Variants in PTPRU observed in about 807,000 individuals in gnomAD.
PTPRU encodes receptor-type tyrosine-protein phosphatase U.
Under a neutral mutation model 166.3 loss-of-function variants are expected in PTPRU, and 69 were observed. That is an observed-to-expected ratio of 0.41 (90% CI 0.34 to 0.51). The LOEUF is 0.51. Among genes scored for constraint, PTPRU ranks in the 20% least tolerant of loss-of-function variants. The pLI, the probability that PTPRU is intolerant of heterozygous loss-of-function variation, is 0.09. For missense variants in PTPRU, 1,657 were observed against 2,013.7 expected, an observed-to-expected ratio of 0.82 and a Z score of 3.39; for synonymous variants, 793 against 814.0, an observed-to-expected ratio of 0.97 and a Z score of 0.44.
intron 7 of PTPRU, 111 bp downstream of exon 7, chr1:29,261,014 G>A (rs1267153724): frequency 8.2e-7 from 1 of 1,224,538 alleles, no homozygotes; most frequent in Non-Finnish European, 1.1e-6. Context: ...AAAACATTGT[G>A]ATTTTTCCTC....
intron 7 of PTPRU, among the ~76,000 whole-genome samples, chr1:29,269,246 A>ATATATTTTTTTTT (rs1266094646): frequency 4.9e-5 from 1 of 20,588 alleles, no homozygotes; most frequent in Non-Finnish European, 1.0e-4. Context: ...ATATATATAT[A>ATATATTTTTTTTT]TTTTTTTTTT....
At chr1:29,302,935 A>C (rs1012558985) in intron 15 of PTPRU, among the ~76,000 whole-genome samples, 1 of 152,200 alleles carries the variant, frequency 6.6e-6, no homozygotes, top group Non-Finnish European at 1.5e-5. Flanking sequence ...AATTGCCTAC[A>C]GTATTCAGTA....
Position 29,305,305 on chromosome 1 carries a change from T to C in PTPRU, c.2744-47T>C, listed in dbSNP as rs1295691648. On this transcript the variant is annotated intron_variant, in intron 17 of 29. Coordinates refer to ENST00000373779, the MANE Select transcript of PTPRU (RefSeq NM_133178.4). ...AGGAATCCCTCCCTGACTGCCTAGC[T>C]CTGGGCTCCCCAGTTCAGCCCCTGC... 9.5e-6 allele frequency: 15 copies of C among 1,579,416 alleles called. No individual in the cohort carries two copies. The South Asian group carries it at 1.5e-4, about 16-fold the overall frequency.
intron 28 of PTPRU, among the ~76,000 whole-genome samples, chr1:29,324,090 C>T (rs552180409): frequency 1.3e-5 from 2 of 152,338 alleles, no homozygotes; most frequent in African/African-American, 2.4e-5. Context: ...GATTGTGGCA[C>T]ACTTTTATGC....
At chr1:29,318,678 C>T (rs905543325) in intron 25 of PTPRU, among the ~76,000 whole-genome samples, 2 of 152,248 alleles carry the variant, frequency 1.3e-5, no homozygotes, top group African/African-American at 2.4e-5. Flanking sequence ...CTTCACCCCT[C>T]CCCGATATAG....
rs1688103972 is a variant in PTPRU, at chr1:29,320,508, A to C, written c.3688-177A>C. 2 of 628,986 alleles carry C rather than the reference A, an allele frequency of 3.2e-6. No homozygotes were observed. The highest frequency in any genetic ancestry group is 4.8e-6 in the Non-Finnish European group (2 of 414,106). 39.0% of individuals were successfully genotyped at this position (628,986 alleles called of 1,614,324 possible). On this transcript the variant is annotated intron_variant, in intron 25 of 29. Coordinates refer to ENST00000373779, the MANE Select transcript of PTPRU (RefSeq NM_133178.4). The surrounding 1 kb of genome is among the most constrained non-coding windows in gnomAD (Gnocchi z 5.2). ...CCCAGAGGCCTGGGCCCACCCTGTC[A>C]ACCCAGGCCTCAGTGTGCCAACCAA...
At chr1:29,255,822 T>A (rs769914289) in intron 2 of PTPRU, among the ~76,000 whole-genome samples, 1 of 152,202 alleles carries the variant, frequency 6.6e-6, no homozygotes, top group Non-Finnish European at 1.5e-5. Context: ...TGGGACTAGA[T>A]GTGTATAAAA....
Position 29,259,270 on chromosome 1 carries a change from G to C in PTPRU, c.487G>C (p.Glu163Gln). The change falls in exon 4 of 30, where the codon GAG becomes CAG. Residue 163 changes from glutamate (E) to glutamine (Q), a missense_variant. This residue lies in a region of PTPRU where 453 missense variants were observed against 496.9 expected (regional missense o/e 0.91). Transcript: ENST00000373779. ...CTCCCGCCTCCCCCAGGTGCTGTTT[G>C]AGGCCCTCATCTCCCCAGACCGCAG... Reference protein sequence around the residue: ...FWPNEYQVLFEALISPDRRGY... With the variant: ...FWPNEYQVLFQALISPDRRGY... The C allele has an allele frequency of 6.2e-7, 1 of 1,613,612 alleles. No homozygotes were observed. The highest frequency in any genetic ancestry group is 8.5e-7 in the Non-Finnish European group (1 of 1,179,610).
rs950303063 is a variant in PTPRU at position 29,237,759 on chromosome 1, C to G, written c.73+1042C>G. ...GCGGGCGGCTGATCCGAGGCGGCGC[C>G]GGGGCTGCGGGGCGCCCGGGCCAGC... is the stretch of plus-strand genomic sequence containing the variant. On this transcript the variant is annotated intron_variant, in intron 1 of 29. Transcript: ENST00000373779. The surrounding 1 kb of genome is among the most constrained non-coding windows in gnomAD (Gnocchi z 6.4). Among the ~76,000 whole-genome samples, 1 of 148,206 alleles carries G rather than the reference C, an allele frequency of 6.7e-6. No individual in the cohort carries two copies. Among genetic ancestry groups the G allele is most frequent in the Non-Finnish European group, 1.5e-5 (1 of 66,702 alleles).
chr1:29,242,902 CT>C (rs778731913), intron 1 of PTPRU, among the ~76,000 whole-genome samples: 242 of 144,100 alleles, frequency 1.7e-3, no homozygotes, highest in Middle Eastern at 3.6e-3. Context: ...CTCTCGGTTT[CT>C]TTTTTTTTTT....
At chr1:29,323,042 G>C (rs1371965287) in intron 26 of PTPRU, among the ~76,000 whole-genome samples, 1 of 152,212 alleles carries the variant, frequency 6.6e-6, no homozygotes, top group Non-Finnish European at 1.5e-5. Flanking sequence ...CCTATTCCTG[G>C]AAGCAGGCAG....
At position 29,279,126 on chromosome 1, in the gene PTPRU, G is replaced by C; in HGVS notation, c.1563+5G>C. 1 of 1,560,186 alleles carries C rather than the reference G, an allele frequency of 6.4e-7. No homozygotes were observed. The highest frequency in any genetic ancestry group is 8.7e-7 in the Non-Finnish European group (1 of 1,150,370). On this transcript the variant is annotated splice_donor_5th_base_variant and intron_variant, in intron 9 of 29. Coordinates refer to ENST00000373779, the MANE Select transcript of PTPRU (RefSeq NM_133178.4). This position sits in a 1 kb window ranked among gnomAD's most constrained non-coding sequence, Gnocchi z 5.2. Reference sequence around the variant, plus strand: ...GGTCTCATCACCCAGTATGAGGTGGGTTTGGGACCCTATTACAGTGGGGGA... The same window carrying C: ...GGTCTCATCACCCAGTATGAGGTGGCTTTGGGACCCTATTACAGTGGGGGA...
At chr1:29,269,219 C>CAA (rs1365617963) in intron 7 of PTPRU, among the ~76,000 whole-genome samples, 4,445 of 42,394 alleles carry the variant, frequency 0.1, 618 homozygotes, top group South Asian at 0.17. Flanking sequence ...AATTTATATA[C>CAA]ATATATATAT....
Position 29,236,560 on chromosome 1 carries a change from G to A in PTPRU, c.-85G>A, listed in dbSNP as rs1683769691. On this transcript the variant is annotated 5_prime_UTR_variant, in exon 1 of 30. Coordinates refer to ENST00000373779, the MANE Select transcript of PTPRU (RefSeq NM_133178.4). The surrounding 1 kb of genome is among the most constrained non-coding windows in gnomAD (Gnocchi z 4.6). ...GCCGCGCCGCTCCGCTCCGGCTCGG[G>A]CTCCGGCTCGCCTCGGGCTGGGCTC... The A allele has an allele frequency of 8.5e-6, 9 of 1,054,656 alleles. No homozygotes were observed. The East Asian group carries it at 3.1e-4, about 36-fold the overall frequency. The allele number at this position is 1,054,656 out of a possible 1,614,324, so 65.3% of individuals were successfully genotyped here. A position where few individuals can be genotyped will look rare whatever the true frequency, so the allele number is the denominator to read the frequency against.
chr1:29,302,842 C>T (rs1185036789), intron 15 of PTPRU, among the ~76,000 whole-genome samples: 1 of 152,212 alleles, frequency 6.6e-6, no homozygotes, highest in African/African-American at 2.4e-5. Flanking sequence ...AGCCACCACA[C>T]CCGGCCCATT....
intron 26 of PTPRU, 21 bp from the exon 27 acceptor site, chr1:29,323,350 C>G (rs377640147): frequency 1.2e-6 from 2 of 1,601,472 alleles, no homozygotes; most frequent in East Asian, 2.3e-5. Context: ...TCAGCTCTCC[C>G]CTCTCCGTGC....
intron 15 of PTPRU, among the ~76,000 whole-genome samples, chr1:29,300,204 C>T (rs1186507518): frequency 1.3e-5 from 2 of 152,142 alleles, no homozygotes; most frequent in African/African-American, 2.4e-5. Context: ...GGGAATTGAT[C>T]TGAAGTCTTT....
In PTPRU at chr1:29,236,801, G is replaced by A. The variant is rs996490108; in HGVS notation, c.73+84G>A. The A allele has an allele frequency of 1.9e-5, 23 of 1,218,026 alleles. No homozygotes were observed. In the African/African-American group the frequency reaches 3.5e-4, roughly 18 times the overall value. The allele number at this position is 1,218,026 out of a possible 1,614,324, so 75.5% of individuals were successfully genotyped here. A position where few individuals can be genotyped will look rare whatever the true frequency, so the allele number is the denominator to read the frequency against. On this transcript the variant is annotated intron_variant, in intron 1 of 29. Coordinates refer to ENST00000373779, the MANE Select transcript of PTPRU (RefSeq NM_133178.4). This position sits in a 1 kb window ranked among gnomAD's most constrained non-coding sequence, Gnocchi z 4.6. ...GCTCGGAAGAAAGTGTGAGTGTTGA[G>A]TGACCGGGCGTTACGAGCGTGCTCC...
At chr1:29,245,014 C>A (rs1436391947) in intron 1 of PTPRU, among the ~76,000 whole-genome samples, 1 of 152,168 alleles carries the variant, frequency 6.6e-6, no homozygotes, top group Admixed American at 6.5e-5. Flanking sequence ...TGGCTCTTCT[C>A]TGACATCCTA....
Sources: gnomAD v4.1 joint callset for allele counts (sites outside exome capture counted in the v4.1 genomes callset) on GRCh38, gnomAD v4.1.1 for gene constraint, gnomAD v4.1.1 regional missense constraint, Gnocchi (gnomAD v3.1) non-coding constraint, MANE v1.5 for transcripts, NCBI Gene and HGNC (gene_info 2026-07-23, HGNC 2026-07-21) for gene names.